Variants in TRIO observed in about 807,000 individuals in gnomAD.
TRIO encodes the protein trio Rho guanine nucleotide exchange factor.
A neutral mutation model predicts 351.9 loss-of-function variants in TRIO; 58 were observed. The ratio of observed to expected loss-of-function variants is 0.16; its 90% CI spans 0.13 to 0.21. The LOEUF is 0.21. TRIO is among the 10% of genes least tolerant of loss of function. The pLI is 1.00. For synonymous variants in TRIO, 1,758 were observed against 1,595.7 expected (o/e 1.10, Z -2.42); for missense variants, 3,201 against 4,027.8 (o/e 0.79, Z 5.56).
At chr5:14,360,147 C>T (rs559716828) in intron 13 of TRIO, among the ~76,000 whole-genome samples, 1 of 152,280 alleles carries the variant, frequency 6.6e-6, no homozygotes, top group African/African-American at 2.4e-5. Context: ...ACAAAAAACA[C>T]AATTTCCCCC....
intron 53 of TRIO, chr5:14,498,855 G>T: frequency 1.8e-6 from 1 of 561,700 alleles, no homozygotes; most frequent in Non-Finnish European, 2.8e-6. Context: ...AAAGTCGGGG[G>T]AGACACCGGA....
At chr5:14,370,163 C>A (rs560482535) in intron 18 of TRIO, among the ~76,000 whole-genome samples, 1 of 151,358 alleles carries the variant, frequency 6.6e-6, no homozygotes, top group East Asian at 1.9e-4. Flanking sequence ...CTCACTCTGT[C>A]ACCCAGGCTG....
At position 14,504,553 on chromosome 5, in the gene TRIO, A is replaced by G; in HGVS notation, c.8572A>G (p.Thr2858Ala). The change falls in exon 55 of 57, where the codon ACC becomes GCC. Residue 2858 changes from threonine (T) to alanine (A), a missense_variant. Thr to Ala is a moderately conservative substitution (Grantham distance 58). Transcript: ENST00000344204. Reference sequence around the variant, plus strand: ...CCCCCTGCTTGTCGGCCTCCTCGACACCTTTGAGACCCCCACCAGCTACAT... The same window carrying G: ...CCCCCTGCTTGTCGGCCTCCTCGACGCCTTTGAGACCCCCACCAGCTACAT... ...QHPLLVGLLD[T>A]FETPTSYILV... 6.2e-7 allele frequency: 1 copy of G among 1,614,006 alleles called. No individual in the cohort carries two copies. Among genetic ancestry groups the G allele is most frequent in the African/African-American group, 1.3e-5 (1 of 74,980 alleles).
chr5:14,453,354 C>T (rs1300980440), intron 34 of TRIO, among the ~76,000 whole-genome samples: 1 of 152,114 alleles, frequency 6.6e-6, no homozygotes, highest in African/African-American at 2.4e-5. Flanking sequence ...ATCTAGATTG[C>T]TTCATTCATC....
At position 14,488,061 on chromosome 5, in the gene TRIO, C is replaced by T. The variant is rs927233695; in HGVS notation, c.7433C>T (p.Pro2478Leu). Reference sequence around the variant, plus strand: ...AAGGAGCCCTTCCCCCCCAGCAGCCCCCTGCAGAAGGGGGGCTCCTTCTGG... The same window carrying T: ...AAGGAGCCCTTCCCCCCCAGCAGCCTCCTGCAGAAGGGGGGCTCCTTCTGG... ...LGKEPFPPSS[P>L]LQKGGSFWSS... Residue 2478 changes from proline (P) to leucine (L), a missense_variant, in exon 48 of 57, where the codon CCC becomes CTC. Pro to Leu is a moderately conservative substitution (Grantham distance 98, BLOSUM62 -3). Around this residue, in one of 19 missense-constraint regions of TRIO, gnomAD observed 1,089 missense variants for 954.9 expected, o/e 1.14. Coordinates refer to ENST00000344204, the MANE Select transcript of TRIO (RefSeq NM_007118.4). 2 of 1,610,084 alleles carry T rather than the reference C, an allele frequency of 1.2e-6. No homozygotes were observed. The highest frequency in any genetic ancestry group is 1.7e-6 in the Non-Finnish European group (2 of 1,179,084).
chr5:14,381,126 C>G lies in TRIO; in HGVS notation c.3448-4C>G, dbSNP rs374786524. 2 of 1,612,922 alleles carry G rather than the reference C, an allele frequency of 1.2e-6. No homozygotes were observed. The highest frequency in any genetic ancestry group is 1.7e-6 in the Non-Finnish European group (2 of 1,179,496). ...CTGACTCCATTCATTCCTTCCCCTT[C>G]CAGGCTTTGGAATGGATCCATGACA... is the stretch of plus-strand genomic sequence containing the variant. On this transcript the variant is annotated splice_region_variant and splice_polypyrimidine_tract_variant and intron_variant, in intron 20 of 56. Coordinates refer to ENST00000344204, the MANE Select transcript of TRIO (RefSeq NM_007118.4).
At chr5:14,404,459 T>G (rs1185262292) in intron 31 of TRIO, among the ~76,000 whole-genome samples, 1 of 152,196 alleles carries the variant, frequency 6.6e-6, no homozygotes, top group African/African-American at 2.4e-5. Flanking sequence ...TCAATTCATA[T>G]GAGAATTTTC....
At chr5:14,336,839 G>T (rs1741462363) in intron 11 of TRIO, 112 bp downstream of exon 11, 1 of 1,161,678 alleles carries the variant, frequency 8.6e-7, no homozygotes, top group Non-Finnish European at 1.2e-6. Flanking sequence ...GTGGCAAGTT[G>T]TAAGATGTAG....
rs546256820 is a variant in TRIO, at chr5:14,213,898, C to T, written c.158-56927C>T. Among the ~76,000 whole-genome samples the T allele has an allele frequency of 5.9e-5, 9 of 152,278 alleles. No homozygotes were observed. The East Asian group carries it at 9.6e-4, about 16-fold the overall frequency. On this transcript the variant is annotated intron_variant, in intron 1 of 56. Transcript: ENST00000344204. ...AGGGCAGGAGACTGACAGTGAGGGA[C>T]GGGGCTGTTCAAGTGGCACTCAGCA...
intron 1 of TRIO, among the ~76,000 whole-genome samples, chr5:14,169,258 C>T (rs1443129982): frequency 1.4e-5 from 2 of 148,046 alleles, no homozygotes; most frequent in Non-Finnish European, 3.0e-5. Flanking sequence ...TTTATTTTTA[C>T]ATCACGTTCT....
chr5:14,472,677 T>A lies in TRIO; in HGVS notation c.5979+19T>A. ...GGTTGAGGTGTGTATTGCCAGAAAT[T>A]TAGTATCTTCGTATCAGTTCCAAGA... On this transcript the variant is annotated intron_variant, in intron 39 of 56. Transcript: ENST00000344204. 1 of 1,613,058 alleles carries A rather than the reference T, an allele frequency of 6.2e-7. No individual in the cohort carries two copies. Among genetic ancestry groups the A allele is most frequent in the East Asian group, 2.2e-5 (1 of 44,860 alleles).
intron 2 of TRIO, among the ~76,000 whole-genome samples, chr5:14,275,938 GTC>G (rs1430631762): frequency 1.4e-5 from 2 of 145,564 alleles, no homozygotes; most frequent in Admixed American, 1.4e-4. Flanking sequence ...ATATATGTGT[GTC>G]TATATATATA....
chr5:14,306,153 T>G (rs780364910), intron 8 of TRIO, among the ~76,000 whole-genome samples: 2 of 146,174 alleles, frequency 1.4e-5, no homozygotes, highest in Non-Finnish European at 3.1e-5. Context: ...GCAGTCCTTC[T>G]CTTTCCCGTG....
chr5:14,475,391 C>T (rs1310324297), intron 40 of TRIO, among the ~76,000 whole-genome samples: 3 of 152,188 alleles, frequency 2.0e-5, no homozygotes, highest in East Asian at 1.9e-4. Context: ...GGGTGTTCCC[C>T]ATCAGACTCC....
chr5:14,379,058 GTTGC>G (rs1424000892), intron 20 of TRIO, among the ~76,000 whole-genome samples: 7 of 152,126 alleles, frequency 4.6e-5, no homozygotes, highest in Non-Finnish European at 7.3e-5. Flanking sequence ...TGCCTTAATG[GTTGC>G]TTAAGAATCC....
At chr5:14,481,355 A>C (rs1294526165) in intron 44 of TRIO, 71 bp downstream of exon 44, 21 of 1,591,438 alleles carry the variant, frequency 1.3e-5, no homozygotes, top group Non-Finnish European at 2.6e-6. Flanking sequence ...AGTGTCTCCT[A>C]ACAGTGGTCT....
chr5:14,209,343 T>C (rs1791738079), intron 1 of TRIO, among the ~76,000 whole-genome samples: 1 of 152,226 alleles, frequency 6.6e-6, no homozygotes, highest in African/African-American at 2.4e-5. Flanking sequence ...TTGGAACGTT[T>C]TAGACATACA....
chr5:14,445,052 C>T (rs879689143), intron 34 of TRIO, among the ~76,000 whole-genome samples: 3 of 152,118 alleles, frequency 2.0e-5, no homozygotes, highest in Non-Finnish European at 4.4e-5. Flanking sequence ...TATCTCTTCA[C>T]TAGATTTTGG....
intron 1 of TRIO, among the ~76,000 whole-genome samples, chr5:14,181,887 C>T (rs1434766154): frequency 6.6e-6 from 1 of 152,046 alleles, no homozygotes; most frequent in Non-Finnish European, 1.5e-5. Flanking sequence ...AGTTTCTACA[C>T]TCCGGGCTGA....
Sources: gnomAD v4.1 joint callset for allele counts (sites outside exome capture counted in the v4.1 genomes callset) on GRCh38, gnomAD v4.1.1 for gene constraint, gnomAD v4.1.1 regional missense constraint, MANE v1.5 for transcripts, NCBI Gene and HGNC (gene_info 2026-07-23, HGNC 2026-07-21) for gene names.